MAGI2: variants seen among roughly 807,000 people sequenced by gnomAD.
MAGI2 encodes the protein membrane-associated guanylate kinase, WW and PDZ domain-containing protein 2.
In MAGI2, 35 loss-of-function variants were observed where a neutral mutation model predicts 133.3. The observed-to-expected ratio is 0.26, with a 90% confidence interval of 0.20 to 0.35. The LOEUF is 0.35. MAGI2 is among the 10% of genes least tolerant of loss of function. The pLI is 1.00. For missense variants in MAGI2, 1,636 were observed against 1,863.4 expected, an observed-to-expected ratio of 0.88 and a Z score of 2.25; for synonymous variants, 729 against 710.6, an observed-to-expected ratio of 1.03 and a Z score of -0.41.
chr7:78,659,015 T>C (rs560420002), intron 2 of MAGI2, among the ~76,000 whole-genome samples: 3 of 152,266 alleles, frequency 2.0e-5, no homozygotes, highest in South Asian at 2.1e-4. Flanking sequence ...AACCTGCACA[T>C]GTTATAGCAC....
At chr7:79,384,949 G>C (rs1844071322) in intron 1 of MAGI2, among the ~76,000 whole-genome samples, 1 of 151,632 alleles carries the variant, frequency 6.6e-6, no homozygotes, top group Admixed American at 6.6e-5. Flanking sequence ...GTTAGACTCT[G>C]TCACTATGTA....
rs1210455268 is a variant in MAGI2, at chr7:78,573,302, TTA to T, written c.539-51659_539-51658del. 8.8e-3 allele frequency among the ~76,000 whole-genome samples: 306 copies of T among 34,846 alleles called. 12 individuals are homozygous for T. Among genetic ancestry groups the T allele is most frequent in the African/African-American group, 0.049 (286 of 5,810 alleles). The allele number at this position is 34,846 out of a possible 152,430, so 22.9% of individuals were successfully genotyped here. On this transcript the variant is annotated intron_variant, in intron 3 of 21. Transcript: ENST00000354212. ...TATATATTTATATAAATATATATATTTATATATATAAATATATAAATATATAT... is the reference window on the plus strand; with the variant it reads ...TATATATTTATATAAATATATATATTTATATATAAATATATAAATATATAT...
chr7:78,068,772 C>A (rs1814126540), intron 21 of MAGI2, among the ~76,000 whole-genome samples: 1 of 152,136 alleles, frequency 6.6e-6, no homozygotes, highest in South Asian at 2.1e-4. Flanking sequence ...GAGACTGGAC[C>A]CTTGCTGGTG....
At chr7:78,265,153 A>G (rs1186854193) in intron 9 of MAGI2, among the ~76,000 whole-genome samples, 3 of 152,186 alleles carry the variant, frequency 2.0e-5, no homozygotes, top group Admixed American at 6.6e-5. Flanking sequence ...AATTAGTCCA[A>G]CGATGTATTT....
At chr7:78,662,662 G>C (rs992937118) in intron 2 of MAGI2, among the ~76,000 whole-genome samples, 6 of 151,764 alleles carry the variant, frequency 4.0e-5, no homozygotes, top group Non-Finnish European at 8.8e-5. Context: ...AAAATATATA[G>C]GCAAAGACAA....
intron 6 of MAGI2, among the ~76,000 whole-genome samples, chr7:78,395,313 G>A (rs1414271554): frequency 2.0e-5 from 3 of 152,108 alleles, no homozygotes; most frequent in Non-Finnish European, 4.4e-5. Flanking sequence ...AAAGTCCAAT[G>A]GAAAAAGAAG....
At chr7:78,530,996 T>C (rs1214462282) in intron 3 of MAGI2, among the ~76,000 whole-genome samples, 1 of 152,132 alleles carries the variant, frequency 6.6e-6, no homozygotes, top group African/African-American at 2.4e-5. Context: ...CAAATCACAG[T>C]GGAGGTGTTA....
At chr7:79,408,350 C>G (rs1158432503) in intron 1 of MAGI2, among the ~76,000 whole-genome samples, 1 of 151,748 alleles carries the variant, frequency 6.6e-6, no homozygotes, top group Non-Finnish European at 1.5e-5. Flanking sequence ...TATAACATCA[C>G]TAAAATATAG....
chr7:78,297,722 C>T (rs977636427), intron 9 of MAGI2, among the ~76,000 whole-genome samples: 3 of 150,966 alleles, frequency 2.0e-5, no homozygotes, highest in African/African-American at 7.3e-5. Flanking sequence ...AGTAAACTGT[C>T]ACAAGAACAA....
chr7:79,235,230 G>T (rs1289163321), intron 1 of MAGI2, among the ~76,000 whole-genome samples: 1 of 152,184 alleles, frequency 6.6e-6, no homozygotes, highest in East Asian at 1.9e-4. Flanking sequence ...GTCTGCAGAG[G>T]TTACTGCTGT....
chr7:78,160,628 A>G (rs1042675482), intron 15 of MAGI2, among the ~76,000 whole-genome samples: 1 of 152,232 alleles, frequency 6.6e-6, no homozygotes, highest in Non-Finnish European at 1.5e-5. Context: ...GAAGATGGTC[A>G]CAAAACAAGT....
At chr7:78,696,154 G>C (rs1233351003) in intron 2 of MAGI2, among the ~76,000 whole-genome samples, 1 of 152,072 alleles carries the variant, frequency 6.6e-6, no homozygotes, top group African/African-American at 2.4e-5. Flanking sequence ...TGCCCAGGCT[G>C]CTCAAATTCC....
chr7:79,290,348 A>ATG, intron 1 of MAGI2, among the ~76,000 whole-genome samples: 1 of 151,156 alleles, frequency 6.6e-6, no homozygotes, highest in Non-Finnish European at 1.5e-5. Context: ...AATTGTGGAT[A>ATG]TATATATATG....
At chr7:78,095,512 G>GATCC (rs1396687889) in intron 20 of MAGI2, among the ~76,000 whole-genome samples, 2 of 152,142 alleles carry the variant, frequency 1.3e-5, no homozygotes, top group Non-Finnish European at 2.9e-5. Context: ...TCTTTTCTGC[G>GATCC]ATCCCTAGCT....
At chr7:78,295,827 ACTG>A (rs1797174900) in intron 9 of MAGI2, among the ~76,000 whole-genome samples, 1 of 152,038 alleles carries the variant, frequency 6.6e-6, no homozygotes, top group Non-Finnish European at 1.5e-5. Flanking sequence ...GTCATCTCAA[ACTG>A]AACGTGCATA....
intron 2 of MAGI2, among the ~76,000 whole-genome samples, chr7:78,797,178 G>A (rs1232149164): frequency 6.6e-6 from 1 of 151,934 alleles, no homozygotes; most frequent in Non-Finnish European, 1.5e-5. Context: ...TGAGATGATG[G>A]ATATGCCAAT....
intron 1 of MAGI2, among the ~76,000 whole-genome samples, chr7:79,241,898 A>G (rs1832445028): frequency 1.3e-5 from 2 of 152,314 alleles, no homozygotes; most frequent in South Asian, 4.1e-4. Flanking sequence ...AGGCAGACTC[A>G]GCTCATGCAT....
At chr7:78,368,818 A>G (rs1482970573) in intron 7 of MAGI2, among the ~76,000 whole-genome samples, 1 of 152,216 alleles carries the variant, frequency 6.6e-6, no homozygotes, top group African/African-American at 2.4e-5. Context: ...GTTTTAATAG[A>G]ACATCTCATT....
At chr7:79,347,493 T>C (rs848932) in intron 1 of MAGI2, among the ~76,000 whole-genome samples, 20,312 of 151,720 alleles carry the variant, frequency 0.13, 1,501 homozygotes, top group Middle Eastern at 0.2. Context: ...TTCATTGACA[T>C]TGAGAGATCA....
Sources: allele counts gnomAD v4.1 joint callset (sites outside exome capture counted in the v4.1 genomes callset), GRCh38; gene constraint gnomAD v4.1.1; transcripts MANE v1.5; gene names NCBI Gene and HGNC (gene_info 2026-07-23, HGNC 2026-07-21).